The following CHD2 variants were observed in gnomAD, a reference collection of about 807,000 sequenced individuals.
The protein encoded by CHD2 is ATP-dependent chromatin remodeler CHD2.
A neutral mutation model predicts 243.9 loss-of-function variants in CHD2; 28 were observed. That is an observed-to-expected ratio of 0.11 (90% CI 0.09 to 0.16). CHD2 has a LOEUF of 0.16. CHD2 is among the 10% of genes least tolerant of loss of function. The pLI, the probability that CHD2 is intolerant of heterozygous loss-of-function variation, is 1.00. For synonymous variants in CHD2, 775 were observed against 779.0 expected (o/e 0.99, Z 0.09); for missense variants, 1,386 against 2,209.8 (o/e 0.63, Z 7.47).
At chr15:92,988,169 A>T (rs2054069582) in intron 26 of CHD2, among the ~76,000 whole-genome samples, 1 of 151,142 alleles carries the variant, frequency 6.6e-6, no homozygotes, top group Admixed American at 6.6e-5. Context: ...TGCAACCTCC[A>T]CTTCCCAGGT....
At chr15:92,951,311 C>T (rs1021310528) in intron 13 of CHD2, among the ~76,000 whole-genome samples, 1 of 152,090 alleles carries the variant, frequency 6.6e-6, no homozygotes, top group Admixed American at 6.6e-5. Flanking sequence ...GCTGGGATTA[C>T]ACGCACGCAC....
chr15:92,908,069 G>A (rs1245706872), intron 2 of CHD2, among the ~76,000 whole-genome samples: 1 of 145,778 alleles, frequency 6.9e-6, no homozygotes, highest in East Asian at 2.0e-4. Flanking sequence ...ACTCTTCCTG[G>A]ACTACAACAG....
At chr15:92,966,756 C>G (rs1484162988) in intron 16 of CHD2, among the ~76,000 whole-genome samples, 2 of 151,858 alleles carry the variant, frequency 1.3e-5, no homozygotes, top group African/African-American at 2.4e-5. Flanking sequence ...ACTAAAAATA[C>G]AAAAATTAGT....
intron 2 of CHD2, chr15:92,901,537 G>GT (rs2052528889): frequency 1.8e-6 from 1 of 540,846 alleles, no homozygotes; most frequent in South Asian, 2.9e-5. Context: ...AAAAGGTAAG[G>GT]TACCTTTATT....
chr15:93,002,453 C>T (rs764273531), intron 33 of CHD2, 136 bp downstream of exon 33: 16 of 1,366,654 alleles, frequency 1.2e-5, no homozygotes, highest in South Asian at 4.8e-5. Flanking sequence ...TGGGTGGGGC[C>T]GTTGATGGGA....
intron 35 of CHD2, among the ~76,000 whole-genome samples, chr15:93,011,971 A>G (rs2054399351): frequency 1.3e-5 from 2 of 152,126 alleles, no homozygotes; most frequent in South Asian, 4.1e-4. Context: ...AGAAATTTGG[A>G]GGAGTTCTAG....
rs1468999963 is a variant in CHD2 at position 92,972,309 on chromosome 15, G to A, written c.2397G>A (p.Leu799=). 2 of 1,612,738 alleles carry A rather than the reference G, an allele frequency of 1.2e-6. No individual in the cohort carries two copies. Among genetic ancestry groups the A allele is most frequent in the Admixed American group, 1.7e-5 (1 of 59,516 alleles). The change falls in exon 19 of 39, where the codon CTG becomes CTA. Residue 799 remains leucine, a synonymous_variant. Transcript: ENST00000394196. Reference sequence around the variant, plus strand: ...GGAAGTTGATTTTATTAGACAAACTGTTGACAAGACTTCGAGAAAGGGGGA... The same window carrying A: ...GGAAGTTGATTTTATTAGACAAACTATTGACAAGACTTCGAGAAAGGGGGA... ...SSGKLILLDK[L]LTRLRERGNR...
At chr15:92,988,443 A>G (rs981854833) in intron 26 of CHD2, among the ~76,000 whole-genome samples, 21 of 152,114 alleles carry the variant, frequency 1.4e-4, no homozygotes, top group Non-Finnish European at 1.6e-4. Context: ...ATGCATGTAT[A>G]CTGTTTTTAT....
chr15:92,960,835 C>T (rs1256387138), intron 16 of CHD2, among the ~76,000 whole-genome samples: 2 of 151,326 alleles, frequency 1.3e-5, no homozygotes, highest in East Asian at 3.9e-4. Flanking sequence ...ATGCCTCAGC[C>T]TTCCAGGTAG....
At chr15:92,959,789 G>A (rs2053661944) in intron 16 of CHD2, among the ~76,000 whole-genome samples, 1 of 152,164 alleles carries the variant, frequency 6.6e-6, no homozygotes, top group Non-Finnish European at 1.5e-5. Flanking sequence ...ACTGCACCCG[G>A]CCTAGACTGC....
At position 92,948,971 on chromosome 15, in the gene CHD2, G is replaced by A. The variant is rs2053515436; in HGVS notation, c.1397G>A (p.Arg466Gln). 6.2e-7 allele frequency: 1 copy of A among 1,613,652 alleles called. No homozygotes were observed. Among genetic ancestry groups the A allele is most frequent in the Non-Finnish European group, 8.5e-7 (1 of 1,179,944 alleles). ...RECKALKQRP[R>Q]FVALKKQPAY... ...TTTCAGGCCCTGAAGCAGAGACCAC[G>A]ATTTGTAGCTTTAAAGAAACAACCT... The change falls in exon 13 of 39, where the codon CGA becomes CAA. Residue 466 changes from arginine to glutamine, a missense_variant. Transcript: ENST00000394196.
At chr15:92,915,059 A>C (rs951330812) in intron 2 of CHD2, 2 of 152,116 alleles carry the variant, frequency 1.3e-5, no homozygotes, top group Non-Finnish European at 2.9e-5. Flanking sequence ...TTGGTCTGTT[A>C]GGGTCTAGGA....
chr15:92,987,541 A>G (rs756388886), intron 26 of CHD2, among the ~76,000 whole-genome samples: 8 of 152,104 alleles, frequency 5.3e-5, no homozygotes, highest in Admixed American at 2.0e-4. Context: ...CAGGAGGCCA[A>G]GGTTTGCAGT....
rs62023126 is a variant in CHD2, at chr15:92,956,301, A to G, written c.1810-158A>G. ...AATAGCTACCAATCTGGCAACTAAC[A>G]GAATAAACAGAAGAGGCCTAATATA... On this transcript the variant is annotated intron_variant, in intron 15 of 38. Transcript: ENST00000394196. Among the ~76,000 whole-genome samples the G allele has an allele frequency of 0.011, 1,688 of 152,314 alleles. 21 individuals are homozygous for G. The highest frequency in any genetic ancestry group is 0.017 in the Non-Finnish European group (1,180 of 68,014).
intron 34 of CHD2, among the ~76,000 whole-genome samples, chr15:93,007,719 TTTACC>T (rs2054339125): frequency 1.7e-5 from 2 of 120,128 alleles, no homozygotes; most frequent in Admixed American, 2.0e-4. Context: ...AGTTCCCAGT[TTTACC>T]TTTATGGAAT....
At chr15:92,905,873 C>T (rs181998455) in intron 2 of CHD2, among the ~76,000 whole-genome samples, 1 of 152,222 alleles carries the variant, frequency 6.6e-6, no homozygotes, top group East Asian at 1.9e-4. Flanking sequence ...GTATACCTGC[C>T]ACAAGAACGA....
At position 93,002,313 on chromosome 15, in the gene CHD2, A is replaced by G. The variant is rs1304514223; in HGVS notation, c.4274A>G (p.Glu1425Gly). The change falls in exon 33 of 39, where the codon GAG becomes GGG. Residue 1425 changes from glutamate (E) to glycine (G), a missense_variant. By Grantham distance (98) the Glu-to-Gly change is moderately conservative (BLOSUM62 -2). Around this residue, in one of 19 missense-constraint regions of CHD2, gnomAD observed 125 missense variants for 128.9 expected, o/e 0.97. Coordinates refer to ENST00000394196, the MANE Select transcript of CHD2 (RefSeq NM_001271.4). ...KERKKSKDKK[E>G]KPKSGDAKSS... is the part of the protein sequence containing the mutation. ...AGAAAGAAGTCAAAAGATAAGAAAG[A>G]GAAGGTAATGATGCCCTTCTGTTCA... 2 of 1,594,244 alleles carry G rather than the reference A, an allele frequency of 1.3e-6. No homozygotes were observed. The highest frequency in any genetic ancestry group is 2.3e-5 in the South Asian group (2 of 86,160).
chr15:92,992,696 C>CA (rs1356869707), intron 27 of CHD2, among the ~76,000 whole-genome samples, 163 bp from the exon 28 acceptor site: 3 of 152,324 alleles, frequency 2.0e-5, no homozygotes, highest in Admixed American at 6.5e-5. Context: ...AGCCTTCAGT[C>CA]AATGTCCAGG....
chr15:93,008,554 T>C (rs1869329460), intron 34 of CHD2, among the ~76,000 whole-genome samples: 2 of 152,196 alleles, frequency 1.3e-5, no homozygotes, highest in South Asian at 4.1e-4. Flanking sequence ...TTCTCAGGTC[T>C]GTTTTGTCAT....
Sources: allele counts gnomAD v4.1 joint callset (sites outside exome capture counted in the v4.1 genomes callset), GRCh38; gene constraint gnomAD v4.1.1; regional missense constraint gnomAD v4.1.1; transcripts MANE v1.5; gene names NCBI Gene and HGNC (gene_info 2026-07-23, HGNC 2026-07-21).